The following TMCC1 variants were observed in gnomAD, a reference collection of about 807,000 sequenced individuals.
The protein encoded by TMCC1 is transmembrane and coiled-coil domain family 1.
Under a neutral mutation model 52.4 loss-of-function variants are expected in TMCC1, and 15 were observed. The observed-to-expected ratio is 0.29, with a 90% CI of 0.19 to 0.44. The LOEUF is 0.44. Among genes scored for constraint, TMCC1 ranks in the 20% least tolerant of loss-of-function variants. TMCC1 has a pLI of 1.00. For synonymous variants in TMCC1, 279 were observed against 301.9 expected (o/e 0.92, Z 0.79); for missense variants, 503 against 806.0 (o/e 0.62, Z 4.55).
chr3:129,877,804 ATT>A (rs2061289985), intron 2 of TMCC1, among the ~76,000 whole-genome samples: 1 of 150,398 alleles, frequency 6.6e-6, no homozygotes, highest in Non-Finnish European at 1.5e-5. Flanking sequence ...AATTTTTTGT[ATT>A]TTTAATAGAC....
At chr3:129,890,982 A>C (rs2061938787) in intron 1 of TMCC1, among the ~76,000 whole-genome samples, 1 of 152,252 alleles carries the variant, frequency 6.6e-6, no homozygotes, top group Non-Finnish European at 1.5e-5. Context: ...ACAACATTCT[A>C]ACAAAGACAT....
intron 4 of TMCC1, among the ~76,000 whole-genome samples, chr3:129,718,433 C>CA (rs1257473004): frequency 2.0e-5 from 3 of 152,158 alleles, no homozygotes; most frequent in Non-Finnish European, 4.4e-5. Context: ...CTGCATATCT[C>CA]AGTAAAAAGC....
chr3:129,786,964 G>A (rs777024178), intron 4 of TMCC1, among the ~76,000 whole-genome samples: 9 of 152,134 alleles, frequency 5.9e-5, no homozygotes, highest in Non-Finnish European at 1.3e-4. Flanking sequence ...TAAAGTCTAA[G>A]CCCATTCATT....
chr3:129,805,720 G>T (rs959279608), intron 4 of TMCC1, among the ~76,000 whole-genome samples: 2 of 151,872 alleles, frequency 1.3e-5, no homozygotes, highest in East Asian at 1.9e-4. Context: ...ATTGCTTGAG[G>T]TTAGGAGTTT....
intron 4 of TMCC1, among the ~76,000 whole-genome samples, chr3:129,726,649 T>A (rs111246747): frequency 0.097 from 14,672 of 150,626 alleles, 837 homozygotes; most frequent in Middle Eastern, 0.16. Context: ...GAAGGCGAGG[T>A]GGGAGGATCA....
chr3:129,708,342 T>C (rs2048396585), intron 4 of TMCC1, among the ~76,000 whole-genome samples: 1 of 152,214 alleles, frequency 6.6e-6, no homozygotes, highest in Non-Finnish European at 1.5e-5. Flanking sequence ...ATTCTTAAAA[T>C]GTACTGCAAT....
intron 4 of TMCC1, among the ~76,000 whole-genome samples, chr3:129,814,638 T>C (rs1341735179): frequency 6.6e-6 from 1 of 152,056 alleles, no homozygotes; most frequent in African/African-American, 2.4e-5. Context: ...GACCCAACTA[T>C]ATGCTGCCTA....
At chr3:129,850,526 C>T (rs1238527684) in intron 2 of TMCC1, among the ~76,000 whole-genome samples, 1 of 152,190 alleles carries the variant, frequency 6.6e-6, no homozygotes, top group African/African-American at 2.4e-5. Context: ...AGTGAATTTA[C>T]AACCTGTTCA....
At position 129,865,928 on chromosome 3, in the gene TMCC1, T is replaced by A. The variant is rs552066956; in HGVS notation, c.-184+14381A>T. On this transcript the variant is annotated intron_variant, in intron 2 of 6. Transcript: ENST00000393238. ...CCAGCGGGATCTCAAAATGCAGATG[T>A]CCAGCAGGCAGTAGGGAAGTGCAAG... Among the ~76,000 whole-genome samples, 14 of 152,252 alleles carry A rather than the reference T, an allele frequency of 9.2e-5. No homozygotes were observed. In the East Asian group the frequency reaches 2.5e-3, roughly 27 times the overall value.
intron 4 of TMCC1, chr3:129,688,248 A>T: frequency 1.0e-6 from 1 of 985,142 alleles, no homozygotes; most frequent in Non-Finnish European, 1.2e-6. Flanking sequence ...GCACTGCCAG[A>T]GAAAGCTTGG....
chr3:129,799,562 G>A (rs2057053105), intron 4 of TMCC1, among the ~76,000 whole-genome samples: 1 of 152,174 alleles, frequency 6.6e-6, no homozygotes, highest in South Asian at 2.1e-4. Flanking sequence ...TGTAGTCCCA[G>A]CGCTTTGGGA....
At chr3:129,865,159 T>A (rs868179510) in intron 2 of TMCC1, among the ~76,000 whole-genome samples, 1 of 152,090 alleles carries the variant, frequency 6.6e-6, no homozygotes, top group African/African-American at 2.4e-5. Context: ...TCCCAAACAG[T>A]AAGATTTGCT....
At chr3:129,824,039 A>G (rs77081187) in intron 4 of TMCC1, among the ~76,000 whole-genome samples, 2,364 of 152,308 alleles carry the variant, frequency 0.016, 48 homozygotes, top group African/African-American at 0.055. Flanking sequence ...CTTAAAAAAC[A>G]AACAAATGAA....
intron 4 of TMCC1, among the ~76,000 whole-genome samples, chr3:129,734,183 G>C (rs1294978921): frequency 6.6e-6 from 1 of 152,042 alleles, no homozygotes; most frequent in African/African-American, 2.4e-5. Context: ...TCCATTAACA[G>C]GAGAATCAAC....
chr3:129,677,568 CAG>C (rs554662445), intron 4 of TMCC1, among the ~76,000 whole-genome samples: 63 of 152,174 alleles, frequency 4.1e-4, no homozygotes, highest in African/African-American at 1.4e-3. Flanking sequence ...GTCATTAAAA[CAG>C]AATATTTCTC....
chr3:129,770,602 T>TG (rs2054487979), intron 4 of TMCC1, among the ~76,000 whole-genome samples: 1 of 132,712 alleles, frequency 7.5e-6, no homozygotes, highest in Admixed American at 7.9e-5. Flanking sequence ...TAAAATAAAA[T>TG]AAATGAAATG....
chr3:129,858,925 C>CT (rs1266243019), intron 2 of TMCC1, among the ~76,000 whole-genome samples: 1 of 152,178 alleles, frequency 6.6e-6, no homozygotes, highest in Non-Finnish European at 1.5e-5. Flanking sequence ...AATAACTTTT[C>CT]ATTTTAAATA....
intron 4 of TMCC1, among the ~76,000 whole-genome samples, chr3:129,685,813 T>C (rs955774580): frequency 2.3e-4 from 35 of 152,338 alleles, no homozygotes; most frequent in South Asian, 1.2e-3. Flanking sequence ...CATAATCCTC[T>C]TCTAAATCAG....
chr3:129,818,742 A>G (rs1270211608), intron 4 of TMCC1, among the ~76,000 whole-genome samples: 1 of 152,228 alleles, frequency 6.6e-6, no homozygotes, highest in Non-Finnish European at 1.5e-5. Context: ...AAGGGCTAAT[A>G]AATGACTGAA....
Sources: gnomAD v4.1 joint callset for allele counts (sites outside exome capture counted in the v4.1 genomes callset) on GRCh38, gnomAD v4.1.1 for gene constraint, MANE v1.5 for transcripts, NCBI Gene and HGNC (gene_info 2026-07-23, HGNC 2026-07-21) for gene names.